Variants in AKR1C8 observed in about 807,000 individuals in gnomAD.
AKR1C8 encodes the protein aldo-keto reductase family 1 member C-like protein 1.
At chr10:5,185,014 G>T in the AKR1C8 span, 1 of 534,700 alleles carries the variant, frequency 1.9e-6, no homozygotes, top group Non-Finnish European at 3.8e-6. Flanking sequence ...CCACTTACAT[G>T]ATCAGGAGCA....
chr10:5,142,184 C>A, the AKR1C8 span, among the ~76,000 whole-genome samples: 1 of 152,126 alleles, frequency 6.6e-6, no homozygotes, highest in Non-Finnish European at 1.5e-5. Flanking sequence ...ATCTTCTCTG[C>A]CGCATCCTCA....
chr10:5,126,536 T>G, the AKR1C8 span, among the ~76,000 whole-genome samples: 1 of 152,140 alleles, frequency 6.6e-6, no homozygotes, highest in East Asian at 1.9e-4. Flanking sequence ...ACTTCATTTA[T>G]CTACCTACTT....
At chr10:5,154,520 C>A in the AKR1C8 span, 1 of 209,462 alleles carries the variant, frequency 4.8e-6, no homozygotes, top group Non-Finnish European at 9.8e-6. Context: ...TTAAATGTGC[C>A]AGGAGTCATA....
At chr10:5,168,018 C>A in the AKR1C8 span, among the ~76,000 whole-genome samples, 8 of 151,794 alleles carry the variant, frequency 5.3e-5, no homozygotes, top group African/African-American at 9.7e-5. Flanking sequence ...TGAACTTCCA[C>A]CAGATTAAAA....
the AKR1C8 span, among the ~76,000 whole-genome samples, chr10:5,178,345 C>T: frequency 1.3e-5 from 2 of 152,064 alleles, no homozygotes; most frequent in Admixed American, 6.6e-5. Context: ...GTCTGAGAGA[C>T]AGTTTGTTAT....
chr10:5,167,295 A>G, the AKR1C8 span, among the ~76,000 whole-genome samples: 1 of 152,210 alleles, frequency 6.6e-6, no homozygotes, highest in Non-Finnish European at 1.5e-5. Context: ...TATATACCCA[A>G]AGGATTATAA....
At chr10:5,157,530 G>T in the AKR1C8 span, 1 of 369,406 alleles carries the variant, frequency 2.7e-6, no homozygotes, top group Non-Finnish European at 5.6e-6. Flanking sequence ...AGCACAGAGT[G>T]GAGAGCACAG....
At chr10:5,162,080 C>A in the AKR1C8 span, 14 of 418,100 alleles carry the variant, frequency 3.3e-5, no homozygotes, top group Non-Finnish European at 6.3e-5. Context: ...ACACTGTGGT[C>A]CAAAGCTAAA....
chr10:5,160,946 G>A, the AKR1C8 span: 3 of 466,254 alleles, frequency 6.4e-6, no homozygotes, highest in Admixed American at 2.4e-5. Context: ...CTCCTTTCTG[G>A]TGCCTAAGGA....
the AKR1C8 span, among the ~76,000 whole-genome samples, chr10:5,130,500 A>G: frequency 6.6e-6 from 1 of 151,980 alleles, no homozygotes; most frequent in Non-Finnish European, 1.5e-5. Flanking sequence ...CTGTTTGCCA[A>G]TAATATAATC....
the AKR1C8 span, chr10:5,160,737 C>T: frequency 2.3e-6 from 1 of 439,072 alleles, no homozygotes; most frequent in South Asian, 1.7e-5. Flanking sequence ...AGCAAAATCC[C>T]ATCTCTTCTG....
chr10:5,177,271 G>A, the AKR1C8 span, among the ~76,000 whole-genome samples: 1 of 151,738 alleles, frequency 6.6e-6, no homozygotes, highest in Non-Finnish European at 1.5e-5. Flanking sequence ...TTTATATGCT[G>A]GATTACATTT....
the AKR1C8 span, chr10:5,160,924 T>A: frequency 2.1e-6 from 1 of 470,398 alleles, no homozygotes; most frequent in Non-Finnish European, 4.4e-6. Context: ...GAAGGACATT[T>A]TCTATGGAAT....
At chr10:5,121,690 C>T in the AKR1C8 span, among the ~76,000 whole-genome samples, 3 of 151,936 alleles carry the variant, frequency 2.0e-5, no homozygotes, top group Admixed American at 6.6e-5. Flanking sequence ...TACGTTGCCT[C>T]GGTGGAGACA....
chr10:5,162,748 T>C, the AKR1C8 span: 2 of 380,404 alleles, frequency 5.3e-6, no homozygotes, highest in African/African-American at 2.1e-5. Context: ...GCCTTCATAA[T>C]ATTAGGAGGT....
the AKR1C8 span, among the ~76,000 whole-genome samples, chr10:5,178,367 T>C: frequency 6.6e-6 from 1 of 152,234 alleles, no homozygotes; most frequent in Admixed American, 6.5e-5. Flanking sequence ...ATTTCTGTTC[T>C]TTTACATTTG....
At chr10:5,153,473 T>C in the AKR1C8 span, among the ~76,000 whole-genome samples, 2 of 152,140 alleles carry the variant, frequency 1.3e-5, no homozygotes, top group Non-Finnish European at 1.5e-5. Flanking sequence ...TAAGTGAACA[T>C]TGGGTTAGTC....
the AKR1C8 span, among the ~76,000 whole-genome samples, chr10:5,173,864 G>T: frequency 7.9e-5 from 12 of 152,038 alleles, no homozygotes; most frequent in East Asian, 2.3e-3. Context: ...TCTGGAAAAG[G>T]TTTTATTCTC....
the AKR1C8 span, among the ~76,000 whole-genome samples, chr10:5,166,266 T>C: frequency 1.3e-5 from 2 of 151,972 alleles, no homozygotes; most frequent in African/African-American, 4.8e-5. Context: ...ATGACTTTCT[T>C]CACAGAATTG....
Sources: allele counts gnomAD v4.1 joint callset (sites outside exome capture counted in the v4.1 genomes callset), GRCh38; gene constraint gnomAD v4.1.1; transcripts MANE v1.5; gene names NCBI Gene and HGNC (gene_info 2026-07-23, HGNC 2026-07-21).